Variants in CFAP299 observed in about 807,000 individuals in gnomAD.
CFAP299 encodes the protein cilia- and flagella-associated protein 299.
A neutral mutation model predicts 27.0 loss-of-function variants in CFAP299; 21 were observed. The ratio of observed to expected loss-of-function variants is 0.78; its 90% CI spans 0.55 to 1.12. The LOEUF (loss-of-function observed/expected upper bound fraction) is 1.12, where lower values mean the gene tolerates loss of function less well. CFAP299 is among the 50% of genes most tolerant of loss of function. CFAP299 has a pLI of 0.00. For synonymous variants in CFAP299, 104 were observed against 98.1 expected (o/e 1.06, Z -0.36); for missense variants, 310 against 276.6 (o/e 1.12, Z -0.86).
At chr4:80,455,061 T>C (rs182137699) in intron 2 of CFAP299, among the ~76,000 whole-genome samples, 1 of 152,314 alleles carries the variant, frequency 6.6e-6, no homozygotes, top group East Asian at 1.9e-4. Flanking sequence ...GGTTTTACAA[T>C]ATGATATTAC....
In CFAP299 at chr4:80,913,143, G is replaced by C. The variant is rs192765975; in HGVS notation, c.477-31667G>C. ...TAAGGACATTACTGTCAGAAAGAAG[G>C]AACTGGAGCAAGAATTTGAAAGATA... On this transcript the variant is annotated intron_variant, in intron 4 of 5. Coordinates refer to ENST00000358105, the MANE Select transcript of CFAP299 (RefSeq NM_152770.3). Among the ~76,000 whole-genome samples, 8 of 152,282 alleles carry C rather than the reference G, an allele frequency of 5.3e-5. No individual in the cohort carries two copies. In the East Asian group the frequency reaches 1.5e-3, roughly 29 times the overall value.
chr4:80,789,917 C>T (rs908862813), intron 3 of CFAP299, among the ~76,000 whole-genome samples: 2 of 151,932 alleles, frequency 1.3e-5, no homozygotes, highest in Non-Finnish European at 2.9e-5. Context: ...TCTTTATATT[C>T]GACCACTAGT....
At chr4:80,950,984 A>C (rs1737746601) in intron 5 of CFAP299, among the ~76,000 whole-genome samples, 1 of 152,224 alleles carries the variant, frequency 6.6e-6, no homozygotes, top group Non-Finnish European at 1.5e-5. Flanking sequence ...AATGACTTAG[A>C]ATCAAAATTT....
At chr4:80,790,725 A>G (rs578127357) in intron 3 of CFAP299, among the ~76,000 whole-genome samples, 2 of 152,130 alleles carry the variant, frequency 1.3e-5, no homozygotes, top group East Asian at 1.9e-4. Context: ...AAGCCATCCA[A>G]TCTATGGTGC....
chr4:80,479,439 T>A (rs1430208174), intron 2 of CFAP299, among the ~76,000 whole-genome samples: 1 of 151,992 alleles, frequency 6.6e-6, no homozygotes, highest in Non-Finnish European at 1.5e-5. Flanking sequence ...TGGGAAATGA[T>A]GGTTAAAGAC....
intron 4 of CFAP299, among the ~76,000 whole-genome samples, chr4:80,886,554 T>C (rs1413664468): frequency 6.6e-6 from 1 of 152,212 alleles, no homozygotes; most frequent in African/African-American, 2.4e-5. Flanking sequence ...CACAGCACGA[T>C]TGGGCTTGGG....
chr4:80,411,902 CAG>C (rs1322664958), intron 2 of CFAP299, among the ~76,000 whole-genome samples: 2 of 152,230 alleles, frequency 1.3e-5, no homozygotes, highest in Non-Finnish European at 2.9e-5. Context: ...TCAGTGCCCA[CAG>C]AGAGCATCAT....
In CFAP299 at chr4:80,829,688, T is replaced by C. The variant is rs561877732; in HGVS notation, c.334-40305T>C. Among the ~76,000 whole-genome samples, 11 of 152,216 alleles carry C rather than the reference T, an allele frequency of 7.2e-5. No homozygotes were observed. The East Asian group carries it at 1.7e-3, about 24-fold the overall frequency. ...TGAAAACAATCCAAGTGTTCATTCATTGGCAAATAAGTGGATAAACAAAAT... is the reference window on the plus strand; with the variant it reads ...TGAAAACAATCCAAGTGTTCATTCACTGGCAAATAAGTGGATAAACAAAAT... On this transcript the variant is annotated intron_variant, in intron 3 of 5. Transcript: ENST00000358105.
intron 4 of CFAP299, among the ~76,000 whole-genome samples, chr4:80,924,536 G>GTATATATATA (rs1209342041): frequency 5.3e-5 from 7 of 130,950 alleles, no homozygotes; most frequent in Admixed American, 2.2e-4. Context: ...GTGTGTGTGT[G>GTATATATATA]TGTATATATA....
chr4:80,357,326 T>G (rs553486787), intron 1 of CFAP299, among the ~76,000 whole-genome samples: 1 of 152,314 alleles, frequency 6.6e-6, no homozygotes, highest in Admixed American at 6.5e-5. Flanking sequence ...TGCCAGGTTT[T>G]GGTATCAGAA....
chr4:80,343,414 A>G (rs559127026), intron 1 of CFAP299, among the ~76,000 whole-genome samples: 1 of 152,336 alleles, frequency 6.6e-6, no homozygotes, highest in East Asian at 1.9e-4. Flanking sequence ...AATTGATCAC[A>G]TATTTGGAAG....
intron 3 of CFAP299, among the ~76,000 whole-genome samples, chr4:80,763,117 G>A (rs1351464623): frequency 6.6e-6 from 1 of 152,190 alleles, no homozygotes. Flanking sequence ...AACCAGGCAA[G>A]AGAAAGAAGT....
At chr4:80,854,357 G>A (rs1400136570) in intron 3 of CFAP299, among the ~76,000 whole-genome samples, 1 of 150,918 alleles carries the variant, frequency 6.6e-6, no homozygotes, top group African/African-American at 2.4e-5. Context: ...CTGCTATAAG[G>A]AGAAGCAGAC....
At chr4:80,741,867 C>T (rs1724292660) in intron 3 of CFAP299, among the ~76,000 whole-genome samples, 1 of 152,150 alleles carries the variant, frequency 6.6e-6, no homozygotes, top group Admixed American at 6.5e-5. Context: ...AAGTTCCAAC[C>T]ACTGGGATGG....
At chr4:80,900,071 A>T (rs137895042) in intron 4 of CFAP299, among the ~76,000 whole-genome samples, 1 of 151,584 alleles carries the variant, frequency 6.6e-6, no homozygotes. Flanking sequence ...AAATAGCATG[A>T]GTAGATAACT....
chr4:80,462,413 C>G (rs535656048), intron 2 of CFAP299, among the ~76,000 whole-genome samples: 5 of 152,278 alleles, frequency 3.3e-5, no homozygotes, highest in African/African-American at 9.6e-5. Flanking sequence ...CCCCACTAAG[C>G]TGTTCTTGCT....
intron 4 of CFAP299, among the ~76,000 whole-genome samples, chr4:80,914,038 G>A (rs1735620605): frequency 6.6e-6 from 1 of 152,050 alleles, no homozygotes. Flanking sequence ...TATTCCTTTT[G>A]CTTGCTGAGT....
At chr4:80,485,426 AAG>A (rs2110131972) in intron 2 of CFAP299, among the ~76,000 whole-genome samples, 1 of 152,036 alleles carries the variant, frequency 6.6e-6, no homozygotes, top group East Asian at 1.9e-4. Context: ...TCTTGACTAA[AAG>A]AGAATTCCAG....
intron 1 of CFAP299, among the ~76,000 whole-genome samples, chr4:80,360,023 A>G (rs1440273670): frequency 6.6e-6 from 1 of 152,004 alleles, no homozygotes; most frequent in Non-Finnish European, 1.5e-5. Flanking sequence ...CTATTTGATG[A>G]CTTTGAGGGT....
Sources: allele counts gnomAD v4.1 joint callset (sites outside exome capture counted in the v4.1 genomes callset), GRCh38; gene constraint gnomAD v4.1.1; transcripts MANE v1.5; gene names NCBI Gene and HGNC (gene_info 2026-07-23, HGNC 2026-07-21).